The following ISG20 variants were observed in gnomAD, a reference collection of about 807,000 sequenced individuals.
The protein encoded by ISG20 is interferon-stimulated gene 20 kDa protein.
In ISG20, 8 loss-of-function variants were observed where a neutral mutation model predicts 11.1. The observed-to-expected ratio is 0.72, with a 90% confidence interval of 0.42 to 1.30. The LOEUF (loss-of-function observed/expected upper bound fraction) is 1.30, where lower values mean the gene tolerates loss of function less well. Ranked by LOEUF, ISG20 falls within the 50% of genes most tolerant of loss-of-function variation. ISG20 has a pLI of 0.01. For synonymous variants in ISG20, 110 were observed against 101.7 expected (o/e 1.08, Z -0.49); for missense variants, 243 against 250.2 (o/e 0.97, Z 0.19).
rs1454157562 is a variant in ISG20, at chr15:88,652,010, G to A, written c.229-100G>A. The A allele has an allele frequency of 4.5e-6, 7 of 1,562,892 alleles. No individual in the cohort carries two copies. The East Asian group carries it at 1.1e-4, about 25-fold the overall frequency. ...AGGGAGGACTGATAATTTGCCCAAG[G>A]TCACACAGCCAGTCAAGGAGGGATT... is the stretch of plus-strand genomic sequence containing the variant. On this transcript the variant is annotated intron_variant, in intron 2 of 3. Coordinates refer to ENST00000306072, the MANE Select transcript of ISG20 (RefSeq NM_002201.6).
chr15:88,646,695 T>C (rs944263404), intron 2 of ISG20, among the ~76,000 whole-genome samples: 1 of 152,206 alleles, frequency 6.6e-6, no homozygotes, highest in African/African-American at 2.4e-5. Context: ...AACAGCCCTT[T>C]TATGAGATCC....
chr15:88,637,640 G>C (rs1464357509), upstream of ISG20, among the ~76,000 whole-genome samples: 2 of 152,090 alleles, frequency 1.3e-5, no homozygotes, highest in Non-Finnish European at 2.9e-5. Context: ...GGAGGAGTGG[G>C]ATGTGTTCTG....
In ISG20 at chr15:88,639,609, G is replaced by T; in HGVS notation, c.228+15G>T. ...CCAGGCTAGAGGTGAGTGAAGGCCC[G>T]GCCAGCAGGGGCTTTGGAAATAACC... On this transcript the variant is annotated intron_variant, in intron 2 of 3. Coordinates refer to ENST00000306072, the MANE Select transcript of ISG20 (RefSeq NM_002201.6). This position sits in a 1 kb window ranked among gnomAD's most constrained non-coding sequence, Gnocchi z 4.2. 6.3e-7 allele frequency: 1 copy of T among 1,598,452 alleles called. No homozygotes were observed.
At chr15:88,654,252 CAG>C (rs747279070) in intron 3 of ISG20, among the ~76,000 whole-genome samples, 12 of 152,162 alleles carry the variant, frequency 7.9e-5, no homozygotes, top group Non-Finnish European at 1.3e-4. Flanking sequence ...AGGATGGTGA[CAG>C]GGGCAGGTAT....
In ISG20 at chr15:88,650,587, C is replaced by A; in HGVS notation, c.229-1523C>A. 1 of 674,628 alleles carries A rather than the reference C, an allele frequency of 1.5e-6. No homozygotes were observed. The highest frequency in any genetic ancestry group is 2.2e-6 in the Non-Finnish European group (1 of 458,148). The allele number at this position is 674,628 out of a possible 1,614,324, so 41.8% of individuals were successfully genotyped here. On this transcript the variant is annotated intron_variant, in intron 2 of 3. Coordinates refer to ENST00000306072, the MANE Select transcript of ISG20 (RefSeq NM_002201.6). The surrounding 1 kb of genome is among the most constrained non-coding windows in gnomAD (Gnocchi z 4.0). ...TTCGCTCGGCCACCTGCAGTTTGGGCAGGTGCTCTGCAGCAGGACAGGCCG... is the reference window on the plus strand; with the variant it reads ...TTCGCTCGGCCACCTGCAGTTTGGGAAGGTGCTCTGCAGCAGGACAGGCCG...
Position 88,650,369 on chromosome 15 carries a change from T to C in ISG20, c.229-1741T>C. 1 of 1,532,644 alleles carries C rather than the reference T, an allele frequency of 6.5e-7. No homozygotes were observed. Among genetic ancestry groups the C allele is most frequent in the African/African-American group, 1.4e-5 (1 of 73,100 alleles). 94.9% of individuals were successfully genotyped at this position (1,532,644 alleles called of 1,614,324 possible). A position where few individuals can be genotyped will look rare whatever the true frequency, so the allele number is the denominator to read the frequency against. ...GCTGGGGCAGTCACAGCTGGGCGCC[T>C]GGGCTGCTGGAGGCCTGGAGTGGTC... is the stretch of plus-strand genomic sequence containing the variant. On this transcript the variant is annotated intron_variant, in intron 2 of 3. Transcript: ENST00000306072. This position sits in a 1 kb window ranked among gnomAD's most constrained non-coding sequence, Gnocchi z 4.0.
upstream of ISG20, among the ~76,000 whole-genome samples, chr15:88,637,951 C>T (rs2058011802): frequency 6.6e-6 from 1 of 152,188 alleles, no homozygotes; most frequent in Non-Finnish European, 1.5e-5. Flanking sequence ...TCTCACACCT[C>T]AAATTTGCAT....
In ISG20 at chr15:88,650,092, G is replaced by C. The variant is rs148623181; in HGVS notation, c.229-2018G>C. ...CGGGGAAGGTGTTAGGCACCAGAAG[G>C]CTCTTTCCTGGTGTACAGGCTAAGG... On this transcript the variant is annotated intron_variant, in intron 2 of 3. Transcript: ENST00000306072. The surrounding 1 kb of genome is among the most constrained non-coding windows in gnomAD (Gnocchi z 4.0). The C allele has an allele frequency of 1.5e-6, 1 of 678,160 alleles. No individual in the cohort carries two copies. The highest frequency in any genetic ancestry group is 2.8e-5 in the East Asian group (1 of 35,976). 42.0% of individuals were successfully genotyped at this position (678,160 alleles called of 1,614,324 possible).
At chr15:88,645,831 C>T (rs1376278659) in intron 2 of ISG20, among the ~76,000 whole-genome samples, 7 of 152,206 alleles carry the variant, frequency 4.6e-5, no homozygotes, top group Non-Finnish European at 8.8e-5. Context: ...TGCTGATGCA[C>T]ATCATAGCTC....
intron 2 of ISG20, among the ~76,000 whole-genome samples, chr15:88,641,713 C>T (rs930389029): frequency 6.6e-6 from 1 of 151,686 alleles, no homozygotes; most frequent in Non-Finnish European, 1.5e-5. Context: ...CTCACTGCAA[C>T]CTCTGCCTCC....
At chr15:88,652,664 C>T (rs931191349) in intron 3 of ISG20, among the ~76,000 whole-genome samples, 2 of 138,554 alleles carry the variant, frequency 1.4e-5, no homozygotes, top group African/African-American at 2.8e-5. Context: ...TGCCCTCGCA[C>T]ACCTCAGGGC....
At chr15:88,638,129 C>T (rs190266554), upstream of ISG20, among the ~76,000 whole-genome samples, 2 of 152,318 alleles carry the variant, frequency 1.3e-5, no homozygotes, top group Admixed American at 6.5e-5. Flanking sequence ...CACTGGGAGG[C>T]AGTCAGATTG....
rs752810937 is a variant in ISG20, at chr15:88,639,445, C to T, written c.79C>T (p.Arg27Cys). The T allele has an allele frequency of 1.2e-6, 2 of 1,614,136 alleles. No individual in the cohort carries two copies. Among genetic ancestry groups the T allele is most frequent in the South Asian group, 1.1e-5 (1 of 91,080 alleles). ...GCCCCACCGGGAGAGTGGCCTGGCT[C>T]GTTGCAGCCTCGTGAACGTCCACGG... is the stretch of plus-strand genomic sequence containing the variant. ...LGPHRESGLA[R>C]CSLVNVHGAV... Residue 27 changes from arginine to cysteine, a missense_variant, in exon 2 of 4, where the codon CGT becomes TGT. By Grantham distance (180) the Arg-to-Cys change is radical. Coordinates refer to ENST00000306072, the MANE Select transcript of ISG20 (RefSeq NM_002201.6). The surrounding 1 kb of genome is among the most constrained non-coding windows in gnomAD (Gnocchi z 4.2).
upstream of ISG20, among the ~76,000 whole-genome samples, chr15:88,637,628 T>C (rs1210775702): frequency 6.6e-6 from 1 of 151,376 alleles, no homozygotes; most frequent in Admixed American, 6.6e-5. Context: ...GGGGAAAATA[T>C]TGGAGGAGTG....
rs138778426 is a variant in ISG20, at chr15:88,652,243, A to C, written c.362A>C (p.Lys121Thr). 22 of 1,613,952 alleles carry C rather than the reference A, an allele frequency of 1.4e-5. No homozygotes were observed. The African/African-American group carries it at 2.7e-4, about 20-fold the overall frequency. The change falls in exon 3 of 4, where the codon AAG (lysine) becomes ACG (threonine). Residue 121 changes from lysine to threonine, a missense_variant. By Grantham distance (78) the Lys-to-Thr change is moderately conservative. Coordinates refer to ENST00000306072, the MANE Select transcript of ISG20 (RefSeq NM_002201.6). ...STDRLLWREA[K>T]LDHCRRVSLR... ...GACAGGCTGTTGTGGCGTGAGGCCA[A>C]GCTGGACCACTGCAGGCGTGTCTCC...
chr15:88,635,756 A>C (rs2141382363), upstream of ISG20, among the ~76,000 whole-genome samples: 1 of 152,158 alleles, frequency 6.6e-6, no homozygotes, highest in Non-Finnish European at 1.5e-5. Context: ...TTATGGTAGT[A>C]AGTGATAAAA....
rs904198974 is a variant in ISG20 at position 88,639,446 on chromosome 15, G to T, written c.80G>T (p.Arg27Leu). The T allele has an allele frequency of 6.2e-7, 1 of 1,614,142 alleles. No homozygotes were observed. The highest frequency in any genetic ancestry group is 8.5e-7 in the Non-Finnish European group (1 of 1,180,020). Residue 27 changes from arginine to leucine, a missense_variant, in exon 2 of 4, where the codon CGT becomes CTT. Physicochemically the swap from Arg to Leu is moderately radical, Grantham distance 102. Transcript: ENST00000306072. This position sits in a 1 kb window ranked among gnomAD's most constrained non-coding sequence, Gnocchi z 4.2. ...LGPHRESGLARCSLVNVHGAV... is the reference protein window; with the variant it reads ...LGPHRESGLALCSLVNVHGAV... ...CCCCACCGGGAGAGTGGCCTGGCTC[G>T]TTGCAGCCTCGTGAACGTCCACGGT...
At chr15:88,654,366 A>G (rs181313422) in intron 3 of ISG20, among the ~76,000 whole-genome samples, 4 of 152,286 alleles carry the variant, frequency 2.6e-5, no homozygotes, top group Admixed American at 2.6e-4. Context: ...AAATAAAACA[A>G]TACAGCGTAA....
intron 3 of ISG20, among the ~76,000 whole-genome samples, chr15:88,653,254 C>T (rs929045947): frequency 4.6e-5 from 7 of 152,040 alleles, no homozygotes; most frequent in Admixed American, 1.3e-4. Flanking sequence ...GAGTGTGTGA[C>T]GGAGGGAAGG....
Sources: gnomAD v4.1 joint callset for allele counts (sites outside exome capture counted in the v4.1 genomes callset) on GRCh38, gnomAD v4.1.1 for gene constraint, Gnocchi (gnomAD v3.1) non-coding constraint, MANE v1.5 for transcripts, NCBI Gene and HGNC (gene_info 2026-07-23, HGNC 2026-07-21) for gene names.